The following XRRA1 variants were observed in gnomAD, a reference collection of about 807,000 sequenced individuals.
XRRA1 encodes X-ray radiation resistance-associated protein 1.
XRRA1 carries 69 observed loss-of-function variants against 80.2 expected under a neutral mutation model. That is an observed-to-expected ratio of 0.86 (90% CI 0.71 to 1.05). XRRA1 has a LOEUF of 1.05. Among genes scored for constraint, XRRA1 ranks in the 50% least tolerant of loss-of-function variants. XRRA1 has a pLI of 0.00. For synonymous variants in XRRA1, 348 were observed against 389.9 expected (o/e 0.89, Z 1.27); for missense variants, 967 against 976.4 (o/e 0.99, Z 0.13).
At chr11:74,897,983 G>A (rs1278223833) in intron 10 of XRRA1, among the ~76,000 whole-genome samples, 3 of 152,100 alleles carry the variant, frequency 2.0e-5, no homozygotes, top group Non-Finnish European at 4.4e-5. Context: ...TTCTGTAGTG[G>A]TCATGTGTAA....
intron 7 of XRRA1, among the ~76,000 whole-genome samples, chr11:74,924,498 T>C (rs935637419): frequency 7.2e-6 from 1 of 139,442 alleles, no homozygotes; most frequent in Non-Finnish European, 1.5e-5. Context: ...AGAATAAGAG[T>C]GTGTTTCATG....
At chr11:74,943,194 G>GGT (rs919050381) in intron 2 of XRRA1, among the ~76,000 whole-genome samples, 3 of 152,224 alleles carry the variant, frequency 2.0e-5, no homozygotes, top group South Asian at 2.1e-4. Context: ...ATTCTTTAGG[G>GGT]GTGTGTGTGT....
intron 11 of XRRA1, among the ~76,000 whole-genome samples, chr11:74,862,023 GC>G (rs1452121229): frequency 6.6e-6 from 1 of 152,194 alleles, no homozygotes; most frequent in African/African-American, 2.4e-5. Flanking sequence ...CTTTTGACTT[GC>G]TTTGACCAAT....
intron 1 of XRRA1, among the ~76,000 whole-genome samples, chr11:74,947,576 G>A (rs7931658): frequency 0.024 from 3,652 of 152,120 alleles, 121 homozygotes; most frequent in African/African-American, 0.084. Flanking sequence ...CTAGGGCAAT[G>A]CTGTATCATC....
At chr11:74,933,158 T>C (rs1302356042) in intron 5 of XRRA1, 1 of 152,226 alleles carries the variant, frequency 6.6e-6, no homozygotes, top group East Asian at 1.9e-4. Context: ...GAAATATCTC[T>C]TGTAGGGTCT....
At chr11:74,849,000 T>C (rs2039072671) in intron 14 of XRRA1, among the ~76,000 whole-genome samples, 1 of 152,208 alleles carries the variant, frequency 6.6e-6, no homozygotes, top group Admixed American at 6.5e-5. Context: ...ATCCTAAAGA[T>C]AGATCTCTCT....
rs536923560 is a variant in XRRA1, at chr11:74,893,520, T to A, written c.1003+12719A>T. Among the ~76,000 whole-genome samples, 48 of 152,080 alleles carry A rather than the reference T, an allele frequency of 3.2e-4. 1 individual carries two copies. The South Asian group carries it at 9.6e-3, about 30-fold the overall frequency. ...TATATATATGTAACTAACCTGCACG[T>A]TGTGCACATGTACCCTAAAACTTGA... On this transcript the variant is annotated intron_variant, in intron 10 of 18. Coordinates refer to ENST00000684022, the MANE Select transcript of XRRA1 (RefSeq NM_001378157.1).
intron 3 of XRRA1, among the ~76,000 whole-genome samples, chr11:74,939,044 T>C (rs181900256): frequency 3.9e-5 from 6 of 152,330 alleles, no homozygotes; most frequent in Admixed American, 3.3e-4. Context: ...CATTTTCTAG[T>C]TGGAATTCTA....
chr11:74,895,247 T>C (rs2051967732), intron 10 of XRRA1, among the ~76,000 whole-genome samples: 1 of 152,234 alleles, frequency 6.6e-6, no homozygotes, highest in Non-Finnish European at 1.5e-5. Context: ...ACAGAATCTG[T>C]GCATTTTGCG....
chr11:74,879,518 A>G (rs954359376), intron 10 of XRRA1, among the ~76,000 whole-genome samples: 2 of 151,890 alleles, frequency 1.3e-5, no homozygotes, highest in Non-Finnish European at 2.9e-5. Flanking sequence ...AGGAGTGGTG[A>G]GAGAGGGCAT....
At chr11:74,853,417 C>T (rs745700943) in intron 12 of XRRA1, among the ~76,000 whole-genome samples, 56 of 152,214 alleles carry the variant, frequency 3.7e-4, no homozygotes, top group Non-Finnish European at 6.2e-4. Context: ...TTCCAGCCAA[C>T]GCAACTTGGG....
At chr11:74,947,204 G>A (rs1308497471) in intron 1 of XRRA1, among the ~76,000 whole-genome samples, 1 of 152,112 alleles carries the variant, frequency 6.6e-6, no homozygotes, top group East Asian at 1.9e-4. Flanking sequence ...GTTTCACAGG[G>A]TAGGTGACAT....
chr11:74,926,874 G>A (rs1243736038), intron 7 of XRRA1, among the ~76,000 whole-genome samples: 1 of 151,964 alleles, frequency 6.6e-6, no homozygotes, highest in Non-Finnish European at 1.5e-5. Context: ...CATCTCCGAG[G>A]TTATGGACTA....
chr11:74,864,677 G>A (rs1056940773), intron 10 of XRRA1, among the ~76,000 whole-genome samples: 5 of 152,238 alleles, frequency 3.3e-5, no homozygotes, highest in Non-Finnish European at 7.3e-5. Flanking sequence ...GCACACTAGT[G>A]CCTTGGTGGA....
intron 10 of XRRA1, among the ~76,000 whole-genome samples, chr11:74,870,150 C>T (rs1315553926): frequency 6.6e-6 from 1 of 152,200 alleles, no homozygotes; most frequent in Non-Finnish European, 1.5e-5. Context: ...GGAATGCCAC[C>T]CATCTCAAGA....
intron 10 of XRRA1, among the ~76,000 whole-genome samples, chr11:74,893,873 G>T (rs662035): frequency 3.3e-5 from 5 of 152,232 alleles, no homozygotes; most frequent in African/African-American, 9.6e-5. Context: ...AATTACTATT[G>T]GATCCAGCAA....
chr11:74,907,370 T>C, intron 8 of XRRA1, 97 bp from the exon 9 acceptor site: 11 of 1,510,112 alleles, frequency 7.3e-6, no homozygotes, highest in Non-Finnish European at 9.8e-6. Flanking sequence ...TTAGGAGGAC[T>C]AACCAGCTTA....
chr11:74,947,045 A>C (rs1019116074), intron 1 of XRRA1, among the ~76,000 whole-genome samples: 1 of 151,856 alleles, frequency 6.6e-6, no homozygotes, highest in Non-Finnish European at 1.5e-5. Context: ...GCCTGTACTT[A>C]TCTCTTTATC....
intron 17 of XRRA1, 87 bp from the exon 18 acceptor site, chr11:74,844,046 T>TG: frequency 1.4e-6 from 2 of 1,473,240 alleles, no homozygotes. Context: ...AGCAACAGGC[T>TG]GGGGGGCATC....
Sources: gnomAD v4.1 joint callset for allele counts (sites outside exome capture counted in the v4.1 genomes callset) on GRCh38, gnomAD v4.1.1 for gene constraint, MANE v1.5 for transcripts, NCBI Gene and HGNC (gene_info 2026-07-23, HGNC 2026-07-21) for gene names.